The following SENP7 variants were observed in gnomAD, a reference collection of about 807,000 sequenced individuals.
SENP7 encodes SUMO specific peptidase 7, also known as sentrin-specific protease 7.
A neutral mutation model predicts 141.2 loss-of-function variants in SENP7; 64 were observed. The observed-to-expected ratio is 0.45, with a 90% CI of 0.37 to 0.56. The LOEUF (loss-of-function observed/expected upper bound fraction) is 0.56. Ranked by LOEUF, SENP7 falls within the 20% of genes least tolerant of loss-of-function variation. The probability of loss-of-function intolerance (pLI) is 0.00; values close to 1 mark genes in which losing one functional copy is unlikely to be tolerated. For missense variants in SENP7, 1,025 were observed against 1,212.2 expected (o/e 0.85, Z 2.29); for synonymous variants, 382 against 426.4 (o/e 0.90, Z 1.28).
At chr3:101,452,795 A>G (rs1328810399) in intron 4 of SENP7, among the ~76,000 whole-genome samples, 1 of 152,232 alleles carries the variant, frequency 6.6e-6, no homozygotes, top group Non-Finnish European at 1.5e-5. Flanking sequence ...CATTCAGGAC[A>G]TAGGCATGGG....
intron 3 of SENP7, among the ~76,000 whole-genome samples, chr3:101,479,666 A>G (rs2064366692): frequency 6.6e-6 from 1 of 151,178 alleles, no homozygotes; most frequent in African/African-American, 2.4e-5. Flanking sequence ...CACAAAATCA[A>G]CATCAAAAAT....
chr3:101,484,993 C>T lies in SENP7; in HGVS notation c.186+8880G>A, dbSNP rs962652317. ...AGGTCTGTGACTGTCAGCTTTCCCC[C>T]ACTGCCCTGACAACCTGCATGACTC... On this transcript the variant is annotated intron_variant, in intron 3 of 23. Transcript: ENST00000394095. Among the ~76,000 whole-genome samples the T allele has an allele frequency of 1.2e-4, 18 of 151,984 alleles. 1 individual carries two copies. The highest frequency in any genetic ancestry group is 1.1e-3 in the Admixed American group (17 of 15,254).
chr3:101,366,714 T>G lies in SENP7; in HGVS notation c.1034A>C (p.Asn345Thr). 1 of 1,611,764 alleles carries G rather than the reference T, an allele frequency of 6.2e-7. No homozygotes were observed. The highest frequency in any genetic ancestry group is 8.5e-7 in the Non-Finnish European group (1 of 1,178,764). Residue 345 changes from asparagine (N) to threonine (T), a missense_variant, in exon 9 of 24, where the codon AAC becomes ACC. Transcript: ENST00000394095. The part of the protein sequence containing the change: ...ISTEFEKPSE[N>T]YHQDPKLPEE... Reference sequence around the variant, plus strand: ...AGGCAGTTTTGGATCCTGATGATAGTTTTCACTTGGCTTTTCAAACTCAGT... The same window carrying G: ...AGGCAGTTTTGGATCCTGATGATAGGTTTCACTTGGCTTTTCAAACTCAGT...
At position 101,367,828 on chromosome 3, in the gene SENP7, A is replaced by G; in HGVS notation, c.978+2T>C. ...CTATAATATCTAAATACCTCTACTTACTGTCTGTTCTGTTGACTTATCCAA... is the reference window on the plus strand; with the variant it reads ...CTATAATATCTAAATACCTCTACTTGCTGTCTGTTCTGTTGACTTATCCAA... On this transcript the variant is annotated splice_donor_variant, in intron 8 of 23. Transcript: ENST00000394095. LOFTEE classifies it high-confidence loss of function. 1 of 1,556,136 alleles carries G rather than the reference A, an allele frequency of 6.4e-7. No individual in the cohort carries two copies. The highest frequency in any genetic ancestry group is 8.8e-7 in the Non-Finnish European group (1 of 1,138,298).
At chr3:101,465,277 T>C (rs1400423833) in intron 3 of SENP7, among the ~76,000 whole-genome samples, 1 of 152,006 alleles carries the variant, frequency 6.6e-6, no homozygotes, top group African/African-American at 2.4e-5. Context: ...TCCAAAAACC[T>C]GAGGACAAGC....
At chr3:101,341,581 G>A (rs2059327836) in intron 15 of SENP7, 65 bp downstream of exon 15, 6 of 1,305,950 alleles carry the variant, frequency 4.6e-6, no homozygotes, top group African/African-American at 3.0e-5. Flanking sequence ...CTACTGAAAA[G>A]CAGCAACATG....
chr3:101,511,503 G>C (rs2065856656), intron 1 of SENP7, among the ~76,000 whole-genome samples: 2 of 152,206 alleles, frequency 1.3e-5, no homozygotes, highest in Admixed American at 1.3e-4. Flanking sequence ...ATTTTACTTA[G>C]AGGTTTGGTG....
intron 19 of SENP7, among the ~76,000 whole-genome samples, chr3:101,330,661 A>G (rs542026273): frequency 6.6e-6 from 1 of 152,330 alleles, no homozygotes; most frequent in Non-Finnish European, 1.5e-5. Context: ...ATAATCTTCA[A>G]AAATAGCTCA....
chr3:101,476,598 C>T (rs2064228629), intron 3 of SENP7, among the ~76,000 whole-genome samples: 1 of 152,134 alleles, frequency 6.6e-6, no homozygotes, highest in African/African-American at 2.4e-5. Context: ...ATTTATAATC[C>T]TTTGGGTATA....
At chr3:101,356,685 A>T (rs1241892528) in intron 11 of SENP7, among the ~76,000 whole-genome samples, 1 of 152,092 alleles carries the variant, frequency 6.6e-6, no homozygotes, top group African/African-American at 2.4e-5. Flanking sequence ...GCAAAAATAT[A>T]TTTTCATATA....
At chr3:101,424,320 C>T (rs1048740818) in intron 4 of SENP7, among the ~76,000 whole-genome samples, 4 of 140,930 alleles carry the variant, frequency 2.8e-5, no homozygotes, top group Non-Finnish European at 6.2e-5. Context: ...ACCCACCCCC[C>T]ATCCCCGCAC....
intron 5 of SENP7, chr3:101,414,304 G>A: frequency 1.4e-6 from 1 of 738,638 alleles, no homozygotes; most frequent in Non-Finnish European, 2.5e-6. Context: ...GAAGATGCAG[G>A]GTCTCATGTT....
intron 14 of SENP7, among the ~76,000 whole-genome samples, chr3:101,343,426 G>T (rs1226161963): frequency 1.3e-5 from 2 of 151,864 alleles, no homozygotes; most frequent in Non-Finnish European, 2.9e-5. Flanking sequence ...TATCCACCAT[G>T]TATTATTTAT....
At chr3:101,339,903 T>C (rs1576002076) in intron 16 of SENP7, among the ~76,000 whole-genome samples, 192 bp downstream of exon 16, 1 of 152,128 alleles carries the variant, frequency 6.6e-6, no homozygotes, top group Admixed American at 6.6e-5. Flanking sequence ...CTATATAGCA[T>C]CCACAGTAAG....
At chr3:101,427,928 T>C (rs1313916903) in intron 4 of SENP7, among the ~76,000 whole-genome samples, 1 of 151,774 alleles carries the variant, frequency 6.6e-6, no homozygotes, top group East Asian at 1.9e-4. Flanking sequence ...CTCCCACTTA[T>C]GAGTGAGAAC....
At chr3:101,506,011 T>C (rs1359968621) in intron 1 of SENP7, among the ~76,000 whole-genome samples, 3 of 145,018 alleles carry the variant, frequency 2.1e-5, no homozygotes, top group African/African-American at 7.5e-5. Flanking sequence ...TTCACTTATT[T>C]ATTCCATAAT....
chr3:101,501,029 A>G, intron 2 of SENP7, 41 bp downstream of exon 2: 1 of 1,304,688 alleles, frequency 7.7e-7, no homozygotes, highest in Non-Finnish European at 1.1e-6. Context: ...CAATATCAGT[A>G]ACTCCAAAGA....
intron 6 of SENP7, among the ~76,000 whole-genome samples, chr3:101,383,743 G>A (rs945356643): frequency 2.6e-5 from 4 of 152,232 alleles, no homozygotes; most frequent in Non-Finnish European, 1.5e-5. Context: ...GGATGCTGAG[G>A]GCAGCTCAGT....
chr3:101,479,590 C>T (rs2064361899), intron 3 of SENP7, among the ~76,000 whole-genome samples: 1 of 148,570 alleles, frequency 6.7e-6, no homozygotes, highest in Admixed American at 6.9e-5. Flanking sequence ...GCTTGGGTGA[C>T]AGAGTGAAAC....
Sources: allele counts gnomAD v4.1 joint callset (sites outside exome capture counted in the v4.1 genomes callset), GRCh38; gene constraint gnomAD v4.1.1; transcripts MANE v1.5; gene names NCBI Gene and HGNC (gene_info 2026-07-23, HGNC 2026-07-21).